ATG2B: variants seen among roughly 807,000 people sequenced by gnomAD.
ATG2B encodes the protein autophagy related 2B, also known as autophagy-related protein 2 homolog B.
In ATG2B, 121 loss-of-function variants were observed where a neutral mutation model predicts 241.3. That is an observed-to-expected ratio of 0.50 (90% CI 0.43 to 0.58). The LOEUF (loss-of-function observed/expected upper bound fraction) is 0.58, where lower values mean the gene tolerates loss of function less well. ATG2B is among the 20% of genes least tolerant of loss of function. The pLI, the probability that ATG2B is intolerant of heterozygous loss-of-function variation, is 0.00. For missense variants in ATG2B, 2,306 were observed against 2,491.6 expected (o/e 0.93, Z 1.59); for synonymous variants, 858 against 876.6 (o/e 0.98, Z 0.37).
At chr14:96,358,194 G>A (rs74489247) in intron 1 of ATG2B, among the ~76,000 whole-genome samples, 1 of 152,200 alleles carries the variant, frequency 6.6e-6, no homozygotes, top group African/African-American at 2.4e-5. Flanking sequence ...CAGAAACTGG[G>A]GGGGGCTGAG....
chr14:96,308,253 C>CATATATATATATAT (rs1309788039), intron 29 of ATG2B, among the ~76,000 whole-genome samples: 480 of 36,368 alleles, frequency 0.013, 20 homozygotes, highest in Middle Eastern at 0.053. Flanking sequence ...TATATATATA[C>CATATATATATATAT]ACACATATAT....
chr14:96,280,545 T>C lies in ATG2B; in HGVS notation c.*5210A>G, dbSNP rs1033952372. The C allele has an allele frequency of 2.0e-5, 3 of 152,198 alleles. No individual in the cohort carries two copies. The highest frequency in any genetic ancestry group is 7.2e-5 in the African/African-American group (3 of 41,434). 9.4% of individuals were successfully genotyped at this position (152,198 alleles called of 1,614,324 possible). On this transcript the variant is annotated 3_prime_UTR_variant, in exon 42 of 42. Coordinates refer to ENST00000359933, the MANE Select transcript of ATG2B (RefSeq NM_018036.7). Reference sequence around the variant, plus strand: ...CTAATTGTTCAAAGTGGATGTTATATAGTCACATCTGTCACAACAAAATCT... The same window carrying C: ...CTAATTGTTCAAAGTGGATGTTATACAGTCACATCTGTCACAACAAAATCT...
chr14:96,290,699 T>G lies in ATG2B; in HGVS notation c.5702-109A>C. ...AACTGGAGGCAAAGTTTTGTGTATA[T>G]GAGTACATATGTGAGTTTTCTAGAC... On this transcript the variant is annotated intron_variant, in intron 39 of 41. Coordinates refer to ENST00000359933, the MANE Select transcript of ATG2B (RefSeq NM_018036.7). The surrounding 1 kb of genome is among the most constrained non-coding windows in gnomAD (Gnocchi z 4.4). 6.5e-7 allele frequency: 1 copy of G among 1,538,426 alleles called. No homozygotes were observed. Among genetic ancestry groups the G allele is most frequent in the Non-Finnish European group, 8.8e-7 (1 of 1,135,152 alleles).
intron 34 of ATG2B, among the ~76,000 whole-genome samples, chr14:96,301,524 G>C (rs886790568): frequency 6.6e-5 from 10 of 152,214 alleles, no homozygotes; most frequent in African/African-American, 2.4e-4. Context: ...CGGGAAAGTG[G>C]ATTTCACTGT....
intron 6 of ATG2B, among the ~76,000 whole-genome samples, chr14:96,336,073 A>G (rs867393570): frequency 6.6e-6 from 1 of 152,082 alleles, no homozygotes; most frequent in Non-Finnish European, 1.5e-5. Flanking sequence ...AATAAAATGC[A>G]TTCCTAAAAA....
chr14:96,316,657 G>A lies in ATG2B; in HGVS notation c.3237C>T (p.Asn1079=), dbSNP rs1887321387. ...ACTCTAACCAGAATTCACCATGCTT[G>A]TTTTCCAACAGATCTCCATTATCTT... ...VKQDNGDLLE[N]KHGEFWLEFN... Residue 1079 remains asparagine, a synonymous_variant, in exon 21 of 42, where the codon AAC becomes AAT. Coordinates refer to ENST00000359933, the MANE Select transcript of ATG2B (RefSeq NM_018036.7). 2 of 1,609,956 alleles carry A rather than the reference G, an allele frequency of 1.2e-6. No homozygotes were observed. Among genetic ancestry groups the A allele is most frequent in the Middle Eastern group, 1.7e-4 (1 of 6,050 alleles).
chr14:96,314,127 C>A (rs1304621913), intron 23 of ATG2B, among the ~76,000 whole-genome samples: 2 of 152,206 alleles, frequency 1.3e-5, no homozygotes, highest in Admixed American at 1.3e-4. Flanking sequence ...ACCCTAACCA[C>A]TTCTCTACTC....
chr14:96,304,614 G>GT lies in ATG2B; in HGVS notation c.4734-12_4734-11insA. On this transcript the variant is annotated splice_polypyrimidine_tract_variant and intron_variant, in intron 31 of 41. Coordinates refer to ENST00000359933, the MANE Select transcript of ATG2B (RefSeq NM_018036.7). ...GAACTGTGGGGACTACTAAAAATGA[G>GT]CAAAAAAAAAAAAAACCCTTTTGTT... 2 of 1,003,810 alleles carry GT rather than the reference G, an allele frequency of 2.0e-6. No individual in the cohort carries two copies. Among genetic ancestry groups the GT allele is most frequent in the Non-Finnish European group, 1.3e-6 (1 of 746,910 alleles). 62.2% of individuals were successfully genotyped at this position (1,003,810 alleles called of 1,614,324 possible). A position where few individuals can be genotyped will look rare whatever the true frequency, so the allele number is the denominator to read the frequency against.
Position 96,332,506 on chromosome 14 carries a change from T to C in ATG2B, c.1357A>G (p.Thr453Ala). The change falls in exon 9 of 42, where the codon ACT becomes GCT. Residue 453 changes from threonine to alanine, a missense_variant. Thr to Ala is a moderately conservative substitution (Grantham distance 58). Coordinates refer to ENST00000359933, the MANE Select transcript of ATG2B (RefSeq NM_018036.7). ...AAAATTAAGTAATACTTTACCACAG[T>C]AGCACTTAATGGAGATCCTGCTGGG... is the stretch of plus-strand genomic sequence containing the variant. ...NTPAGSPLSATVLQPTWGEFL... is the reference protein window; with the variant it reads ...NTPAGSPLSAAVLQPTWGEFL... 1.9e-6 allele frequency: 3 copies of C among 1,610,794 alleles called. No homozygotes were observed. The highest frequency in any genetic ancestry group is 2.2e-5 in the East Asian group (1 of 44,844).
At chr14:96,292,008 A>T (rs1472216956) in intron 37 of ATG2B, 21 bp downstream of exon 37, 22 of 1,527,628 alleles carry the variant, frequency 1.4e-5, no homozygotes, top group Non-Finnish European at 1.7e-5. Context: ...TTTGTGGAGT[A>T]TATTTGTAGA....
At position 96,290,278 on chromosome 14, in the gene ATG2B, C is replaced by T. The variant is rs1886448385; in HGVS notation, c.5856+158G>A. The stretch of plus-strand genomic sequence containing the variant: ...TTTATTCTAATTATTTAACACTAAA[C>T]ATTTAAGCAATAAAACAAGCATGAC... On this transcript the variant is annotated intron_variant, in intron 40 of 41. Coordinates refer to ENST00000359933, the MANE Select transcript of ATG2B (RefSeq NM_018036.7). The surrounding 1 kb of genome is among the most constrained non-coding windows in gnomAD (Gnocchi z 4.4). 5.5e-6 allele frequency: 7 copies of T among 1,265,718 alleles called. No homozygotes were observed. The highest frequency in any genetic ancestry group is 6.3e-6 in the Non-Finnish European group (6 of 947,370). The allele number at this position is 1,265,718 out of a possible 1,614,324, so 78.4% of individuals were successfully genotyped here.
At chr14:96,330,036 CTT>C (rs1204283088) in intron 11 of ATG2B, among the ~76,000 whole-genome samples, 1 of 146,274 alleles carries the variant, frequency 6.8e-6, no homozygotes, top group Non-Finnish European at 1.5e-5. Flanking sequence ...ATGTTTGAAA[CTT>C]TGTCAAAAAT....
chr14:96,330,359 G>T (rs778764788), intron 11 of ATG2B, among the ~76,000 whole-genome samples: 1 of 152,126 alleles, frequency 6.6e-6, no homozygotes, highest in Non-Finnish European at 1.5e-5. Context: ...AACGCCCAAA[G>T]TATTTTCTAA....
intron 4 of ATG2B, 116 bp from the exon 5 acceptor site, chr14:96,343,397 AAAGTAT>A (rs1258871566): frequency 1.8e-5 from 6 of 326,372 alleles, no homozygotes; most frequent in Admixed American, 4.9e-5. Flanking sequence ...CCTAAAACTT[AAAGTAT>A]AATAATAATA....
chr14:96,308,263 T>TATATATATAC (rs1887039156), intron 29 of ATG2B, among the ~76,000 whole-genome samples: 2 of 26,458 alleles, frequency 7.6e-5, no homozygotes, highest in Non-Finnish European at 1.7e-4. Context: ...CACACATATA[T>TATATATATAC]ATATATATAT....
In ATG2B at chr14:96,363,133, C is replaced by T. The variant is rs1042155982; in HGVS notation, c.-157G>A. On this transcript the variant is annotated 5_prime_UTR_variant, in exon 1 of 42. Coordinates refer to ENST00000359933, the MANE Select transcript of ATG2B (RefSeq NM_018036.7). ...GAGTCCCTCAGGGAGACCCCATCGCCGGCGCCGCACCGCTCGCGCTGGGCC... is the reference window on the plus strand; with the variant it reads ...GAGTCCCTCAGGGAGACCCCATCGCTGGCGCCGCACCGCTCGCGCTGGGCC... 2.1e-5 allele frequency: 16 copies of T among 756,524 alleles called. No homozygotes were observed. The highest frequency in any genetic ancestry group is 3.0e-5 in the Non-Finnish European group (14 of 466,156). The allele number at this position is 756,524 out of a possible 1,614,324, so 46.9% of individuals were successfully genotyped here.
Position 96,363,194 on chromosome 14 carries a change from C to T in ATG2B, c.-218G>A, listed in dbSNP as rs968924473. ...AAGACGCAGAGGGGTCCTCCTGGCC[C>T]CAGGCCAGGGGACTTCCGAGGAGGG... On this transcript the variant is annotated 5_prime_UTR_variant, in exon 1 of 42. Coordinates refer to ENST00000359933, the MANE Select transcript of ATG2B (RefSeq NM_018036.7). The T allele has an allele frequency of 2.9e-5, 16 of 548,490 alleles. No individual in the cohort carries two copies. Among genetic ancestry groups the T allele is most frequent in the Non-Finnish European group, 4.9e-5 (15 of 309,276 alleles). The allele number at this position is 548,490 out of a possible 1,614,324, so 34.0% of individuals were successfully genotyped here. A position where few individuals can be genotyped will look rare whatever the true frequency, so the allele number is the denominator to read the frequency against.
At chr14:96,312,278 G>T in intron 25 of ATG2B, 119 bp from the exon 26 acceptor site, 1 of 704,250 alleles carries the variant, frequency 1.4e-6, no homozygotes. Flanking sequence ...GAAATCATAA[G>T]CAGTTTCTAA....
At chr14:96,360,529 C>T (rs1888594093) in intron 1 of ATG2B, among the ~76,000 whole-genome samples, 1 of 152,086 alleles carries the variant, frequency 6.6e-6, no homozygotes, top group Non-Finnish European at 1.5e-5. Flanking sequence ...CTATTCCAAC[C>T]AATCTAAGTC....
Sources: gnomAD v4.1 joint callset for allele counts (sites outside exome capture counted in the v4.1 genomes callset) on GRCh38, gnomAD v4.1.1 for gene constraint, Gnocchi (gnomAD v3.1) non-coding constraint, MANE v1.5 for transcripts, NCBI Gene and HGNC (gene_info 2026-07-23, HGNC 2026-07-21) for gene names.